The following AKAP6 variants were observed in gnomAD, a reference collection of about 807,000 sequenced individuals.
The protein encoded by AKAP6 is A-kinase anchor protein 6.
AKAP6 carries 58 observed loss-of-function variants against 188.5 expected under a neutral mutation model. The ratio of observed to expected loss-of-function variants is 0.31; its 90% CI spans 0.25 to 0.38. The LOEUF is 0.38. Ranked by LOEUF, AKAP6 falls within the 10% of genes least tolerant of loss-of-function variation. The pLI is 1.00. For missense variants in AKAP6, 2,710 were observed against 2,740.0 expected, an observed-to-expected ratio of 0.99 and a Z score of 0.24; for synonymous variants, 989 against 998.6, an observed-to-expected ratio of 0.99 and a Z score of 0.18.
chr14:32,580,183 T>C (rs1354652977), intron 5 of AKAP6, among the ~76,000 whole-genome samples: 1 of 152,144 alleles, frequency 6.6e-6, no homozygotes, highest in Non-Finnish European at 1.5e-5. Context: ...ATAAGAGATA[T>C]GGAGGAGCTT....
intron 4 of AKAP6, among the ~76,000 whole-genome samples, chr14:32,550,184 AG>A (rs1359504478): frequency 6.6e-6 from 1 of 152,220 alleles, no homozygotes; most frequent in Admixed American, 6.5e-5. Flanking sequence ...TTGATTCCAC[AG>A]TTCTACAAAA....
At chr14:32,371,450 C>G (rs564380310) in intron 1 of AKAP6, among the ~76,000 whole-genome samples, 1 of 152,128 alleles carries the variant, frequency 6.6e-6, no homozygotes, top group East Asian at 1.9e-4. Context: ...AACCAAAAAC[C>G]AAAAGAATTA....
At chr14:32,471,662 C>A (rs145614162) in intron 2 of AKAP6, among the ~76,000 whole-genome samples, 1 of 152,320 alleles carries the variant, frequency 6.6e-6, no homozygotes, top group Admixed American at 6.5e-5. Flanking sequence ...CTGTACCCCC[C>A]ACCAGGGCTA....
intron 12 of AKAP6, among the ~76,000 whole-genome samples, chr14:32,786,298 CTTTTTTTTTTT>C (rs1162974012): frequency 3.6e-5 from 3 of 82,552 alleles, no homozygotes; most frequent in East Asian, 4.6e-4. Flanking sequence ...AAACCTTTAT[CTTTTTTTTTTT>C]TTTTTTTTTT....
chr14:32,431,957 A>G (rs891997915), intron 1 of AKAP6, among the ~76,000 whole-genome samples: 2 of 152,134 alleles, frequency 1.3e-5, no homozygotes, highest in Non-Finnish European at 1.5e-5. Context: ...AGTCTTTTTT[A>G]TTTCCACTCC....
chr14:32,432,397 C>T lies in AKAP6; in HGVS notation c.-34-1063C>T, dbSNP rs192923050. 6.6e-5 allele frequency among the ~76,000 whole-genome samples: 10 copies of T among 152,134 alleles called. No homozygotes were observed. In the East Asian group the frequency reaches 1.7e-3, roughly 26 times the overall value. ...AATTAAATTCATCTTAAAATGCCAC[C>T]TTACTTTTTGATGAATTACACTTAT... On this transcript the variant is annotated intron_variant, in intron 1 of 13. Transcript: ENST00000280979.
chr14:32,355,807 C>G (rs1466048702), intron 1 of AKAP6, among the ~76,000 whole-genome samples: 1 of 151,202 alleles, frequency 6.6e-6, no homozygotes. Flanking sequence ...CAAGTTCTTG[C>G]TCTGTCACCT....
At chr14:32,529,464 C>A (rs549107313) in intron 2 of AKAP6, among the ~76,000 whole-genome samples, 10 of 152,154 alleles carry the variant, frequency 6.6e-5, no homozygotes, top group African/African-American at 2.4e-4. Flanking sequence ...CTTTTCTTTC[C>A]TCTTTTTATC....
At chr14:32,494,944 T>C (rs528151040) in intron 2 of AKAP6, 2 of 152,300 alleles carry the variant, frequency 1.3e-5, no homozygotes, top group African/African-American at 4.8e-5. Flanking sequence ...GAGCTTTCTA[T>C]TGTAACCAAG....
At chr14:32,649,442 A>C (rs1286505028) in intron 7 of AKAP6, among the ~76,000 whole-genome samples, 1 of 152,186 alleles carries the variant, frequency 6.6e-6, no homozygotes, top group Non-Finnish European at 1.5e-5. Context: ...ATGCATGTTA[A>C]AACTTATTTT....
chr14:32,336,469 C>T (rs968508186), intron 1 of AKAP6, among the ~76,000 whole-genome samples: 1 of 152,160 alleles, frequency 6.6e-6, no homozygotes. Flanking sequence ...TGTACAATAT[C>T]ATATGCTAAG....
chr14:32,689,979 G>A (rs375679025), intron 8 of AKAP6, among the ~76,000 whole-genome samples: 4 of 151,784 alleles, frequency 2.6e-5, no homozygotes, highest in African/African-American at 9.7e-5. Flanking sequence ...TCCCAATATA[G>A]ACAGGTGGTA....
intron 1 of AKAP6, among the ~76,000 whole-genome samples, chr14:32,345,754 G>C (rs2138427289): frequency 6.6e-6 from 1 of 152,290 alleles, no homozygotes; most frequent in East Asian, 1.9e-4. Context: ...AAGCTGGGGA[G>C]GGGTGAGTGG....
At chr14:32,410,128 C>T (rs1312430293) in intron 1 of AKAP6, among the ~76,000 whole-genome samples, 2 of 138,366 alleles carry the variant, frequency 1.4e-5, no homozygotes, top group Admixed American at 8.0e-5. Flanking sequence ...AATCGACATT[C>T]TGTAGAGAAT....
intron 3 of AKAP6, among the ~76,000 whole-genome samples, chr14:32,542,204 C>T (rs1882985494): frequency 6.6e-6 from 1 of 152,172 alleles, no homozygotes. Flanking sequence ...ATTAGTGCTA[C>T]AGCCAGAATT....
In AKAP6 at chr14:32,507,657, A is replaced by G. The variant is rs553781732; in HGVS notation, c.325-27897A>G. Among the ~76,000 whole-genome samples the G allele has an allele frequency of 6.4e-4, 97 of 152,254 alleles. 1 individual carries two copies. Among genetic ancestry groups the G allele is most frequent in the African/African-American group, 1.5e-3 (64 of 41,552 alleles). On this transcript the variant is annotated intron_variant, in intron 2 of 13. Transcript: ENST00000280979. Reference sequence around the variant, plus strand: ...AGGCAACATATAATTAAGTGCCGGAATGAGTGATGCAGTCAAGTGCTATTG... The same window carrying G: ...AGGCAACATATAATTAAGTGCCGGAGTGAGTGATGCAGTCAAGTGCTATTG...
intron 11 of AKAP6, among the ~76,000 whole-genome samples, chr14:32,768,538 C>G (rs1025913710): frequency 1.3e-5 from 2 of 152,128 alleles, no homozygotes; most frequent in African/African-American, 4.8e-5. Context: ...AAGATCTATT[C>G]ATTGATTCAC....
chr14:32,794,847 A>T (rs2033716543), intron 12 of AKAP6, among the ~76,000 whole-genome samples: 4 of 152,160 alleles, frequency 2.6e-5, no homozygotes, highest in African/African-American at 9.7e-5. Context: ...AAATCAGTGA[A>T]TCCAAGAGCT....
At chr14:32,653,237 TTTTA>T (rs1888307078) in intron 7 of AKAP6, among the ~76,000 whole-genome samples, 1 of 152,134 alleles carries the variant, frequency 6.6e-6, no homozygotes, top group Admixed American at 6.5e-5. Flanking sequence ...CTCCTTTCCC[TTTTA>T]TTTATTAATA....
Sources: gnomAD v4.1 joint callset for allele counts (sites outside exome capture counted in the v4.1 genomes callset) on GRCh38, gnomAD v4.1.1 for gene constraint, MANE v1.5 for transcripts, NCBI Gene and HGNC (gene_info 2026-07-23, HGNC 2026-07-21) for gene names.